The following ARHGAP23 variants were observed in gnomAD, a reference collection of about 807,000 sequenced individuals.
ARHGAP23 encodes Rho GTPase activating protein 23, also known as rho GTPase-activating protein 23.
A neutral mutation model predicts 136.3 loss-of-function variants in ARHGAP23; 34 were observed. The observed-to-expected ratio is 0.25, with a 90% CI of 0.19 to 0.33. The LOEUF is 0.33. Among genes scored for constraint, ARHGAP23 ranks in the 10% least tolerant of loss-of-function variants. The probability of loss-of-function intolerance (pLI) is 1.00; values close to 1 mark genes in which losing one functional copy is unlikely to be tolerated. For synonymous variants in ARHGAP23, 832 were observed against 920.5 expected (o/e 0.90, Z 1.74); for missense variants, 1,808 against 2,139.0 (o/e 0.85, Z 3.05).
intron 22 of ARHGAP23, among the ~76,000 whole-genome samples, chr17:38,499,549 C>A (rs1351318897): frequency 1.3e-5 from 2 of 152,144 alleles, no homozygotes; most frequent in Admixed American, 6.5e-5. Context: ...CATTTCTGTT[C>A]GTCTCTGACA....
chr17:38,499,273 A>G (rs531122372), intron 22 of ARHGAP23, among the ~76,000 whole-genome samples: 10 of 152,318 alleles, frequency 6.6e-5, no homozygotes, highest in Middle Eastern at 3.4e-3. Flanking sequence ...CTAGTCATCC[A>G]GGCTGGGGAC....
At chr17:38,484,607 T>A (rs1449230545) in intron 16 of ARHGAP23, among the ~76,000 whole-genome samples, 1 of 138,936 alleles carries the variant, frequency 7.2e-6, no homozygotes, top group East Asian at 2.2e-4. Flanking sequence ...GGCCAGGGCA[T>A]TGGGTTTGGC....
In ARHGAP23 at chr17:38,471,946, C is replaced by T; in HGVS notation, c.2058C>T (p.Phe686=). 6.5e-7 allele frequency: 1 copy of T among 1,549,748 alleles called. No homozygotes were observed. Among genetic ancestry groups the T allele is most frequent in the Non-Finnish European group, 8.7e-7 (1 of 1,146,854 alleles). The change falls in exon 11 of 24, where the codon TTC becomes TTT. Residue 686 remains phenylalanine, a synonymous_variant. Transcript: ENST00000622683. ...HSTSDLSDAT[F]SDIRREGWLY... The stretch of plus-strand genomic sequence containing the variant: ...CCTCTGACCTCTCAGATGCGACCTT[C>T]AGCGATATCAGGAGAGAAGGCTGGT...
intron 1 of ARHGAP23, among the ~76,000 whole-genome samples, chr17:38,445,141 T>C (rs2039003493): frequency 6.6e-6 from 1 of 151,576 alleles, no homozygotes; most frequent in Admixed American, 6.6e-5. Context: ...GTGTGTTTGA[T>C]TTCTGACTTG....
upstream of ARHGAP23, chr17:38,428,395 C>G (rs11871184): frequency 2.0e-3 from 1,005 of 492,486 alleles, 10 homozygotes; most frequent in African/African-American, 0.018. Flanking sequence ...CCCCCCACAC[C>G]GCGCTCGGCC....
At position 38,487,992 on chromosome 17, in the gene ARHGAP23, C is replaced by T. The variant is rs1304560361; in HGVS notation, c.2986+1852C>T. Among the ~76,000 whole-genome samples the T allele has an allele frequency of 6.6e-5, 10 of 152,184 alleles. No homozygotes were observed. The East Asian group carries it at 1.9e-3, about 29-fold the overall frequency. On this transcript the variant is annotated intron_variant, in intron 17 of 23. Transcript: ENST00000622683. ...TCATGGCTCACTGCAGCCTCAACCTCCTGGGCTCAAGTGATCCTCCCATCT... is the reference window on the plus strand; with the variant it reads ...TCATGGCTCACTGCAGCCTCAACCTTCTGGGCTCAAGTGATCCTCCCATCT...
chr17:38,508,400 G>A (rs2040680854), intron 23 of ARHGAP23, among the ~76,000 whole-genome samples: 1 of 152,214 alleles, frequency 6.6e-6, no homozygotes. Context: ...GCTGTGTTGG[G>A]GTTGGGGTCA....
intron 14 of ARHGAP23, 120 bp downstream of exon 14, chr17:38,480,003 T>G: frequency 7.3e-7 from 1 of 1,376,228 alleles, no homozygotes; most frequent in Non-Finnish European, 9.9e-7. Flanking sequence ...GTGCCAGGGC[T>G]ACCGGTATGT....
At chr17:38,498,844 T>C (rs2040452426) in intron 22 of ARHGAP23, 7 of 694,446 alleles carry the variant, frequency 1.0e-5, no homozygotes, top group Non-Finnish European at 1.6e-5. Flanking sequence ...TTTTCTTCCT[T>C]TTCTCCTTGC....
intron 23 of ARHGAP23, among the ~76,000 whole-genome samples, chr17:38,503,232 G>A (rs898988050): frequency 3.3e-5 from 5 of 152,186 alleles, no homozygotes; most frequent in African/African-American, 9.7e-5. Context: ...GGTGGCAGGG[G>A]CACACTGGCA....
chr17:38,463,085 T>C (rs1203402060), intron 4 of ARHGAP23, 33 bp from the exon 5 acceptor site: 4 of 1,549,448 alleles, frequency 2.6e-6, no homozygotes, highest in Admixed American at 4.0e-5. Context: ...TTTGATGCCC[T>C]TTGGTCACCA....
At position 38,437,798 on chromosome 17, in the gene ARHGAP23, G is replaced by GT. The variant is rs976588723; in HGVS notation, c.63+9250_63+9251insT. Among the ~76,000 whole-genome samples, 17 of 148,494 alleles carry GT rather than the reference G, an allele frequency of 1.1e-4. No homozygotes were observed. In the East Asian group the frequency reaches 1.2e-3, roughly 10 times the overall value. On this transcript the variant is annotated intron_variant, in intron 1 of 23. Coordinates refer to ENST00000622683, the MANE Select transcript of ARHGAP23 (RefSeq NM_001199417.2). The stretch of plus-strand genomic sequence containing the variant: ...CAAGCAAAGGTTGGCATAACGAAGG[G>GT]GGGGGAGGGCAGATGTAATGGGTGG...
At position 38,475,059 on chromosome 17, in the gene ARHGAP23, G is replaced by A. The variant is rs532797619; in HGVS notation, c.2119-2520G>A. On this transcript the variant is annotated intron_variant, in intron 11 of 23. Transcript: ENST00000622683. ...TGGAGGACCAGGCCTCCACTCCCTT[G>A]CTGGCCAAAACCCGATATCACTTGT... is the stretch of plus-strand genomic sequence containing the variant. Among the ~76,000 whole-genome samples the A allele has an allele frequency of 4.6e-5, 7 of 152,320 alleles. No individual in the cohort carries two copies. In the South Asian group the frequency reaches 1.0e-3, roughly 23 times the overall value.
intron 14 of ARHGAP23, among the ~76,000 whole-genome samples, chr17:38,480,216 C>T (rs1335448580): frequency 6.6e-6 from 1 of 152,154 alleles, no homozygotes; most frequent in Non-Finnish European, 1.5e-5. Flanking sequence ...AAAGTTCTTA[C>T]CTGGCTGGGC....
chr17:38,510,111 A>T lies in ARHGAP23; in HGVS notation c.3615A>T (p.Thr1205=). ...CGCACAAGCCTGGGGCGGGGGCCAC[A>T]GCGCCGGGGACTCAGGAGCGGCCGC... The part of the protein sequence containing the change: ...QEAHKPGAGA[T]APGTQERPQG... Residue 1205 remains threonine (T), a synonymous_variant, in exon 24 of 24, where the codon ACA becomes ACT. Transcript: ENST00000622683. The surrounding 1 kb of genome is among the most constrained non-coding windows in gnomAD (Gnocchi z 4.6). The T allele has an allele frequency of 8.0e-7, 1 of 1,249,700 alleles. No individual in the cohort carries two copies. The highest frequency in any genetic ancestry group is 1.0e-6 in the Non-Finnish European group (1 of 1,001,320). 77.4% of individuals were successfully genotyped at this position (1,249,700 alleles called of 1,614,324 possible).
At chr17:38,440,544 T>G (rs904117641) in intron 1 of ARHGAP23, among the ~76,000 whole-genome samples, 1 of 152,256 alleles carries the variant, frequency 6.6e-6, no homozygotes, top group Non-Finnish European at 1.5e-5. Flanking sequence ...GGGAAAGGAC[T>G]TGACCAAGGT....
intron 23 of ARHGAP23, among the ~76,000 whole-genome samples, chr17:38,502,865 T>C (rs532776831): frequency 1.3e-5 from 2 of 152,114 alleles, no homozygotes; most frequent in African/African-American, 4.8e-5. Context: ...GACAACATAG[T>C]GAGACCTCAA....
intron 17 of ARHGAP23, among the ~76,000 whole-genome samples, chr17:38,487,835 G>T (rs28865417): frequency 6.6e-6 from 1 of 152,162 alleles, no homozygotes; most frequent in East Asian, 1.9e-4. Context: ...CTGCACTTCA[G>T]CCTGGGTGAC....
chr17:38,496,547 CT>C (rs1342825188), intron 20 of ARHGAP23, among the ~76,000 whole-genome samples: 6 of 152,214 alleles, frequency 3.9e-5, no homozygotes, highest in Non-Finnish European at 1.5e-5. Flanking sequence ...AAGGTCATCT[CT>C]TTACTTGCTC....
Sources: allele counts gnomAD v4.1 joint callset (sites outside exome capture counted in the v4.1 genomes callset), GRCh38; gene constraint gnomAD v4.1.1; non-coding constraint Gnocchi (gnomAD v3.1); transcripts MANE v1.5; gene names NCBI Gene and HGNC (gene_info 2026-07-23, HGNC 2026-07-21).